The following ZNF385C variants were observed in gnomAD, a reference collection of about 807,000 sequenced individuals.
ZNF385C encodes the protein CTD-2132N18.2.
ZNF385C carries 28 observed loss-of-function variants against 35.4 expected under a neutral mutation model. The observed-to-expected ratio is 0.79, with a 90% CI of 0.59 to 1.08. ZNF385C has a LOEUF of 1.08. Ranked by LOEUF, ZNF385C falls within the 50% of genes least tolerant of loss-of-function variation. The pLI, the probability that ZNF385C is intolerant of heterozygous loss-of-function variation, is 0.00. For missense variants in ZNF385C, 605 were observed against 595.6 expected (o/e 1.02, Z -0.16); for synonymous variants, 248 against 248.2 (o/e 1.00, Z 0.01).
At chr17:42,043,390 G>C in intron 2 of ZNF385C, 3 of 1,232,164 alleles carry the variant, frequency 2.4e-6, no homozygotes, top group Non-Finnish European at 3.0e-6. Context: ...TGCTCTCTCA[G>C]CAAGGAACCC....
chr17:42,077,114 A>G (rs1555659323), intron 1 of ZNF385C, among the ~76,000 whole-genome samples: 1 of 152,216 alleles, frequency 6.6e-6, no homozygotes, highest in African/African-American at 2.4e-5. Context: ...CCTGACACAC[A>G]GAAAGTAACA....
chr17:42,033,161 GC>G (rs1485941322), intron 4 of ZNF385C, among the ~76,000 whole-genome samples: 3 of 152,172 alleles, frequency 2.0e-5, no homozygotes, highest in Middle Eastern at 6.3e-3. Context: ...GGAAAGACAG[GC>G]CCCCATGGCC....
intron 2 of ZNF385C, among the ~76,000 whole-genome samples, chr17:42,055,286 G>C (rs1374939407): frequency 6.6e-6 from 1 of 152,114 alleles, no homozygotes; most frequent in East Asian, 1.9e-4. Flanking sequence ...CAAGCCCAGA[G>C]CTAATTAACC....
At chr17:42,039,964 AGCTCCGAGTGCGCGCACGCCAGCT>A in intron 2 of ZNF385C, 1 of 1,231,062 alleles carries the variant, frequency 8.1e-7, no homozygotes, top group Non-Finnish European at 1.0e-6. Context: ...GAGCTCGTGC[AGCTCCGAGTGCGCGCACGCCAGCT>A]GGGTGCACAG....
chr17:42,093,395 G>T (rs1258629597), intron 1 of ZNF385C, among the ~76,000 whole-genome samples: 2 of 151,976 alleles, frequency 1.3e-5, no homozygotes, highest in African/African-American at 4.8e-5. Context: ...ACAGACAAGG[G>T]GCTCTATCCC....
intron 4 of ZNF385C, among the ~76,000 whole-genome samples, chr17:42,032,992 G>A (rs1460311231): frequency 6.6e-6 from 1 of 151,974 alleles, no homozygotes; most frequent in Non-Finnish European, 1.5e-5. Context: ...CCAAAGTGCT[G>A]GGATTACAGG....
rs1406370597 is a variant in ZNF385C at position 42,028,049 on chromosome 17, C to T, written c.1164+1G>A. 25 of 1,613,748 alleles carry T rather than the reference C, an allele frequency of 1.5e-5. No individual in the cohort carries two copies. Among genetic ancestry groups the T allele is most frequent in the Non-Finnish European group, 2.1e-5 (25 of 1,179,860 alleles). ...CCCAGTCACAGCCTCACTTCTCCCA[C>T]CTGCTTCAGTTGGGTCTCTGAATTG... On this transcript the variant is annotated splice_donor_variant, in intron 7 of 8. Coordinates refer to ENST00000692273, the MANE Select transcript of ZNF385C (RefSeq NM_001392013.1). LOFTEE classifies it high-confidence loss of function.
intron 2 of ZNF385C, among the ~76,000 whole-genome samples, chr17:42,049,671 C>T (rs545868799): frequency 2.6e-5 from 4 of 152,336 alleles, no homozygotes; most frequent in Admixed American, 2.6e-4. Flanking sequence ...CAAGGTGATG[C>T]CCTTCTGGAA....
At chr17:42,056,943 A>G (rs1436264568) in intron 2 of ZNF385C, among the ~76,000 whole-genome samples, 1 of 152,096 alleles carries the variant, frequency 6.6e-6, no homozygotes, top group Non-Finnish European at 1.5e-5. Flanking sequence ...AAAATGGACT[A>G]ATACACCCTA....
intron 2 of ZNF385C, chr17:42,040,317 G>A: frequency 1.6e-6 from 2 of 1,231,778 alleles, no homozygotes; most frequent in South Asian, 4.1e-5. Context: ...GCTCCACGCC[G>A]CGGTAGGTGC....
intron 2 of ZNF385C, among the ~76,000 whole-genome samples, chr17:42,053,201 C>T (rs1157930182): frequency 4.6e-5 from 7 of 152,178 alleles, no homozygotes; most frequent in Admixed American, 2.0e-4. Context: ...TGCCCCCAGT[C>T]GCACTGCCTC....
intron 4 of ZNF385C, among the ~76,000 whole-genome samples, chr17:42,033,754 A>AAAAAC (rs1274837773): frequency 2.6e-5 from 4 of 152,304 alleles, no homozygotes; most frequent in Non-Finnish European, 5.9e-5. Flanking sequence ...CCTTGTCTAA[A>AAAAAC]AAAACAAAAC....
At position 42,048,207 on chromosome 17, in the gene ZNF385C, CT is replaced by C. The variant is rs202128627; in HGVS notation, c.251-10323del. On this transcript the variant is annotated intron_variant, in intron 2 of 8. Transcript: ENST00000692273. ...CACTCCATCCAGCTGCCTCCCCGGC[CT>C]GTTCCTAGACAGAACTGTTGATCTA... Among the ~76,000 whole-genome samples the C allele has an allele frequency of 4.7e-4, 72 of 152,146 alleles. No homozygotes were observed. The East Asian group carries it at 0.013, about 28-fold the overall frequency.
At chr17:42,082,556 A>G (rs8081194) in intron 1 of ZNF385C, among the ~76,000 whole-genome samples, 152,110 of 152,342 alleles carry the variant, frequency 1, 75,942 homozygotes, top group Middle Eastern at 1. Context: ...TTGCCCTAAG[A>G]GCCAGCCCTG....
At position 42,034,213 on chromosome 17, in the gene ZNF385C, A is replaced by G. The variant is rs1555655192; in HGVS notation, c.510+12T>C. ...CCCCCTCCCCAGACCTGCTTTCACT[A>G]CTTTGTCTCACCGCTGAGTTGAACC... On this transcript the variant is annotated intron_variant, in intron 4 of 8. Coordinates refer to ENST00000692273, the MANE Select transcript of ZNF385C (RefSeq NM_001392013.1). The G allele has an allele frequency of 1.9e-6, 3 of 1,547,808 alleles. No homozygotes were observed. The highest frequency in any genetic ancestry group is 2.7e-5 in the African/African-American group (2 of 72,840).
intron 1 of ZNF385C, among the ~76,000 whole-genome samples, chr17:42,068,349 G>A (rs144995275): frequency 2.4e-3 from 364 of 152,316 alleles, no homozygotes; most frequent in African/African-American, 8.1e-3. Context: ...GAGCAGGGCA[G>A]TGGACTTGCT....
intron 6 of ZNF385C, 74 bp downstream of exon 6, chr17:42,028,709 A>T: frequency 6.7e-7 from 1 of 1,491,442 alleles, no homozygotes; most frequent in African/African-American, 1.4e-5. Context: ...CAGGAACTCA[A>T]GCCTGCCCTC....
intron 2 of ZNF385C, among the ~76,000 whole-genome samples, chr17:42,047,409 A>C (rs2053187909): frequency 6.6e-6 from 1 of 151,898 alleles, no homozygotes; most frequent in Admixed American, 6.6e-5. Flanking sequence ...TCCCGACCTC[A>C]GATGATCCGC....
chr17:42,040,635 C>A, intron 2 of ZNF385C: 1 of 1,232,316 alleles, frequency 8.1e-7, no homozygotes, highest in Non-Finnish European at 1.0e-6. Context: ...CAGGCCAGGC[C>A]TCGGCCACTG....
Sources: allele counts gnomAD v4.1 joint callset (sites outside exome capture counted in the v4.1 genomes callset), GRCh38; gene constraint gnomAD v4.1.1; transcripts MANE v1.5; gene names NCBI Gene and HGNC (gene_info 2026-07-23, HGNC 2026-07-21).